The following TNS1 variants were observed in gnomAD, a reference collection of about 807,000 sequenced individuals.
TNS1 encodes tensin 1.
TNS1 carries 62 observed loss-of-function variants against 168.6 expected under a neutral mutation model. The observed-to-expected ratio is 0.37, with a 90% CI of 0.30 to 0.45. The LOEUF (loss-of-function observed/expected upper bound fraction) is 0.45, where lower values mean the gene tolerates loss of function less well. Among genes scored for constraint, TNS1 ranks in the 20% least tolerant of loss-of-function variants. The pLI, the probability that TNS1 is intolerant of heterozygous loss-of-function variation, is 1.00. For synonymous variants in TNS1, 934 were observed against 933.2 expected, an observed-to-expected ratio of 1.00 and a Z score of -0.02; for missense variants, 2,240 against 2,339.4, an observed-to-expected ratio of 0.96 and a Z score of 0.88.
chr2:217,892,904 C>G (rs373998492), intron 11 of TNS1, 44 bp downstream of exon 11: 1 of 1,601,686 alleles, frequency 6.2e-7, no homozygotes, highest in South Asian at 1.1e-5. Context: ...AGGGGGGTCA[C>G]ACTGTCGATG....
intron 1 of TNS1, among the ~76,000 whole-genome samples, chr2:218,022,948 A>G (rs1046596614): frequency 6.6e-6 from 1 of 152,122 alleles, no homozygotes; most frequent in Non-Finnish European, 1.5e-5. Flanking sequence ...ACCCTGAGCC[A>G]GGGGGCAACA....
intron 7 of TNS1, among the ~76,000 whole-genome samples, chr2:217,900,231 C>T (rs1450820190): frequency 6.6e-6 from 1 of 152,198 alleles, no homozygotes; most frequent in Non-Finnish European, 1.5e-5. Context: ...ACTAGATGAG[C>T]TCATGCAGGT....
At chr2:217,957,091 G>A (rs1450357816) in intron 3 of TNS1, among the ~76,000 whole-genome samples, 10 of 152,194 alleles carry the variant, frequency 6.6e-5, no homozygotes, top group African/African-American at 1.4e-4. Flanking sequence ...GGTATGGAGC[G>A]CAGCTGGAAG....
chr2:217,812,162 G>A (rs1055067708), intron 28 of TNS1, among the ~76,000 whole-genome samples: 1 of 152,196 alleles, frequency 6.6e-6, no homozygotes, highest in African/African-American at 2.4e-5. Context: ...GTCCATTTAT[G>A]TATGCTCCTG....
intron 18 of TNS1, among the ~76,000 whole-genome samples, chr2:217,858,905 G>A (rs1195380131): frequency 2.6e-5 from 4 of 151,818 alleles, no homozygotes; most frequent in Non-Finnish European, 5.9e-5. Context: ...CACTCCCACC[G>A]GCCGGGAGTC....
At chr2:217,886,394 C>T (rs1368298296) in intron 13 of TNS1, 140 bp downstream of exon 13, 7 of 723,928 alleles carry the variant, frequency 9.7e-6, no homozygotes, top group African/African-American at 1.8e-5. Context: ...GGAAGCAATA[C>T]ACTTGAGAGT....
chr2:217,871,196 G>T (rs898370607), intron 18 of TNS1, among the ~76,000 whole-genome samples: 2 of 152,210 alleles, frequency 1.3e-5, no homozygotes. Context: ...TCTACCAGGA[G>T]GCTAACCCAA....
At chr2:217,847,479 G>T in intron 19 of TNS1, 31 bp downstream of exon 19, 1 of 1,398,718 alleles carries the variant, frequency 7.1e-7, no homozygotes, top group Non-Finnish European at 9.4e-7. Context: ...TAAGGAAGGG[G>T]TAGAAGGAGT....
intron 32 of TNS1, among the ~76,000 whole-genome samples, chr2:217,805,027 C>T (rs985756255): frequency 4.1e-5 from 6 of 146,812 alleles, no homozygotes; most frequent in Admixed American, 2.0e-4. Context: ...TGCCTGCAAA[C>T]GGCTCAGCCT....
At position 217,818,710 on chromosome 2, in the gene TNS1, G is replaced by A. The variant is rs373946458; in HGVS notation, c.3622C>T (p.Arg1208Trp). The A allele has an allele frequency of 1.1e-5, 17 of 1,613,852 alleles. No homozygotes were observed. The highest frequency in any genetic ancestry group is 1.4e-5 in the Non-Finnish European group (17 of 1,180,002). Residue 1208 changes from arginine to tryptophan, a missense_variant, in exon 24 of 33, where the codon CGG becomes TGG. By Grantham distance (101) the Arg-to-Trp change is moderately radical. This residue lies in a region of TNS1 where 2,131 missense variants were observed against 2,171.2 expected (regional missense o/e 0.98). Coordinates refer to ENST00000682258, the MANE Select transcript of TNS1 (RefSeq NM_001387777.1). Reference protein sequence around the residue: ...PSGESSDQGPRTPTQPLLESG... With the variant: ...PSGESSDQGPWTPTQPLLESG... ...TCCAACAGAGGCTGGGTGGGCGTCC[G>A]GGGACCCTGGTCACTGCTCTCTCCC...
At position 217,977,969 on chromosome 2, in the gene TNS1, T is replaced by C. The variant is rs1172461185; in HGVS notation, c.186+796A>G. On this transcript the variant is annotated intron_variant, in intron 3 of 32. Transcript: ENST00000682258. ...CGCCATTTCCACCCCTAGGCAGAGC[T>C]GAGCCCATTGGACAGAACCATTTCC... is the stretch of plus-strand genomic sequence containing the variant. 2.6e-5 allele frequency among the ~76,000 whole-genome samples: 4 copies of C among 152,216 alleles called. No individual in the cohort carries two copies. In the East Asian group the frequency reaches 7.7e-4, roughly 29 times the overall value.
At chr2:217,959,441 C>A (rs1172658630) in intron 3 of TNS1, among the ~76,000 whole-genome samples, 4 of 150,146 alleles carry the variant, frequency 2.7e-5, no homozygotes, top group Admixed American at 6.6e-5. Flanking sequence ...TAGCATGGAA[C>A]CTGGTATCTT....
rs117625700 is a variant in TNS1 at position 217,965,707 on chromosome 2, G to A, written c.186+13058C>T. ...ACCACTGCCAGGCTCACCACACCCC[G>A]GGAGGCGGCCGTCCACCAGCAAAGG... On this transcript the variant is annotated intron_variant, in intron 3 of 32. Transcript: ENST00000682258. 3.8e-4 allele frequency among the ~76,000 whole-genome samples: 58 copies of A among 152,304 alleles called. 1 individual carries two copies. In the East Asian group the frequency reaches 8.7e-3, roughly 23 times the overall value.
intron 1 of TNS1, among the ~76,000 whole-genome samples, chr2:218,031,639 T>G (rs1958901463): frequency 6.6e-6 from 1 of 152,188 alleles, no homozygotes; most frequent in African/African-American, 2.4e-5. Context: ...ATCTGTGTCC[T>G]CAAAAGGCTC....
At chr2:218,007,760 C>T (rs775914327), upstream of TNS1, among the ~76,000 whole-genome samples, 7 of 152,120 alleles carry the variant, frequency 4.6e-5, no homozygotes, top group African/African-American at 7.2e-5. Context: ...CATGTTGCCT[C>T]ACCCTACCCC....
chr2:217,920,859 C>T (rs11883936), intron 3 of TNS1, among the ~76,000 whole-genome samples: 5,233 of 152,208 alleles, frequency 0.034, 304 homozygotes, highest in African/African-American at 0.12. Context: ...GGCAGAAGCA[C>T]TCTCTGGGAG....
chr2:217,836,524 C>T (rs774863796), intron 19 of TNS1, among the ~76,000 whole-genome samples: 7 of 152,266 alleles, frequency 4.6e-5, no homozygotes, highest in Admixed American at 1.3e-4. Context: ...CCCCTGGAGG[C>T]GGAGGGCCAG....
rs374431650 is a variant in TNS1 at position 217,799,862 on chromosome 2, GT to G, written c.*4596del. 2.0e-4 allele frequency: 31 copies of G among 152,336 alleles called. No individual in the cohort carries two copies. The highest frequency in any genetic ancestry group is 6.7e-4 in the African/African-American group (28 of 41,576). The allele number at this position is 152,336 out of a possible 1,614,324, so 9.4% of individuals were successfully genotyped here. On this transcript the variant is annotated 3_prime_UTR_variant, in exon 33 of 33. Transcript: ENST00000682258. ...AAAGAAACAAAGCAGCTGTACAGGA[GT>G]GGGGACGCGTCAGTGTACAATACAT... is the stretch of plus-strand genomic sequence containing the variant.
At chr2:217,871,836 C>T (rs564278230) in intron 18 of TNS1, among the ~76,000 whole-genome samples, 1 of 152,394 alleles carries the variant, frequency 6.6e-6, no homozygotes, top group South Asian at 2.1e-4. Context: ...CCTGTTCTAC[C>T]ATCCAGGGAT....
Sources: gnomAD v4.1 joint callset for allele counts (sites outside exome capture counted in the v4.1 genomes callset) on GRCh38, gnomAD v4.1.1 for gene constraint, gnomAD v4.1.1 regional missense constraint, MANE v1.5 for transcripts, NCBI Gene and HGNC (gene_info 2026-07-23, HGNC 2026-07-21) for gene names.